The following PCDHA12 variants were observed in gnomAD, a reference collection of about 807,000 sequenced individuals.
PCDHA12 encodes the protein protocadherin alpha 12.
Under a neutral mutation model 60.0 loss-of-function variants are expected in PCDHA12, and 44 were observed. The observed-to-expected ratio is 0.73, with a 90% confidence interval of 0.58 to 0.94. The LOEUF (loss-of-function observed/expected upper bound fraction) is 0.94, where lower values mean the gene tolerates loss of function less well. Among genes scored for constraint, PCDHA12 ranks in the 40% least tolerant of loss-of-function variants. The pLI is 0.00. For synonymous variants in PCDHA12, 569 were observed against 553.0 expected (o/e 1.03, Z -0.40); for missense variants, 1,276 against 1,239.7 (o/e 1.03, Z -0.44).
intron 1 of PCDHA12, among the ~76,000 whole-genome samples, chr5:140,922,082 G>A (rs2080612980): frequency 6.6e-6 from 1 of 151,908 alleles, no homozygotes. Context: ...AGCAAAAAGT[G>A]GTATTTCTAC....
chr5:140,929,532 G>T, intron 1 of PCDHA12: 1 of 602,214 alleles, frequency 1.7e-6, no homozygotes, highest in Non-Finnish European at 2.5e-6. Flanking sequence ...TTATTTTTGA[G>T]AAACAAGGGC....
intron 1 of PCDHA12, among the ~76,000 whole-genome samples, chr5:140,896,969 CACAA>C (rs1554187153): frequency 2.0e-5 from 3 of 152,106 alleles, no homozygotes; most frequent in African/African-American, 7.2e-5. Context: ...TTATTCTTTG[CACAA>C]ACAAACCAGT....
chr5:140,921,888 A>G (rs1430604991), intron 1 of PCDHA12, among the ~76,000 whole-genome samples: 8 of 152,090 alleles, frequency 5.3e-5, no homozygotes, highest in African/African-American at 1.9e-4. Context: ...AGATTTTAGA[A>G]AGGAGGATAA....
At chr5:140,928,676 G>A in intron 1 of PCDHA12, 2 of 1,614,166 alleles carry the variant, frequency 1.2e-6, no homozygotes, top group East Asian at 2.2e-5. Context: ...TCTAATGCCT[G>A]GCTTTCCTAC....
At chr5:140,882,108 A>T in intron 1 of PCDHA12, 4 of 1,370,912 alleles carry the variant, frequency 2.9e-6, no homozygotes, top group Non-Finnish European at 3.9e-6. Context: ...TCCGCGAAGA[A>T]AGCCGCCGTT....
At chr5:140,930,527 A>G (rs73793525) in intron 1 of PCDHA12, 1 of 152,462 alleles carries the variant, frequency 6.6e-6, no homozygotes, top group Non-Finnish European at 1.5e-5. Context: ...CTGGCCCTCA[A>G]ACTTCTTGAG....
At position 140,876,174 on chromosome 5, in the gene PCDHA12, T is replaced by A; in HGVS notation, c.702T>A (p.Asp234Glu). Residue 234 changes from aspartate to glutamate, a missense_variant, in exon 1 of 4, where the codon GAT becomes GAA. By Grantham distance (45) the Asp-to-Glu change is conservative. Coordinates refer to ENST00000398631, the MANE Select transcript of PCDHA12 (RefSeq NM_018903.4). ...TCCAGATTCAAATAACCGTCCTGGA[T>A]GTGAATGACAATGGTCCGGCGTTTG... ...GSVQIQITVL[D>E]VNDNGPAFDK... 6.2e-7 allele frequency: 1 copy of A among 1,613,934 alleles called. No individual in the cohort carries two copies. The highest frequency in any genetic ancestry group is 8.5e-7 in the Non-Finnish European group (1 of 1,179,890).
At position 140,966,347 on chromosome 5, in the gene PCDHA12, G is replaced by A. The variant is rs189506336; in HGVS notation, c.2368-12602G>A. 6.3e-5 allele frequency: 25 copies of A among 397,502 alleles called. No homozygotes were observed. The East Asian group carries it at 8.6e-4, about 14-fold the overall frequency. The allele number at this position is 397,502 out of a possible 1,614,324, so 24.6% of individuals were successfully genotyped here. A position where few individuals can be genotyped will look rare whatever the true frequency, so the allele number is the denominator to read the frequency against. On this transcript the variant is annotated intron_variant, in intron 1 of 3. Transcript: ENST00000398631. ...GGGATCCGGCAGGTCCAGGGTGAAG[G>A]AGATGGGGCTGGAGAGGCTGAGCAG... is the stretch of plus-strand genomic sequence containing the variant.
At position 141,011,042 on chromosome 5, in the gene PCDHA12, T is replaced by G. The variant is rs915588789; in HGVS notation, c.*1105T>G. 6.5e-6 allele frequency: 1 copy of G among 153,796 alleles called. No individual in the cohort carries two copies. The highest frequency in any genetic ancestry group is 2.4e-5 in the African/African-American group (1 of 41,464). The allele number at this position is 153,796 out of a possible 1,614,324, so 9.5% of individuals were successfully genotyped here. A position where few individuals can be genotyped will look rare whatever the true frequency, so the allele number is the denominator to read the frequency against. On this transcript the variant is annotated 3_prime_UTR_variant, in exon 4 of 4. Transcript: ENST00000398631. ...TCACAGCTTTACTCTTTCAGGTCACTCTGGGGCTGCCTCTTGCATGTATTA... is the reference window on the plus strand; with the variant it reads ...TCACAGCTTTACTCTTTCAGGTCACGCTGGGGCTGCCTCTTGCATGTATTA...
chr5:140,886,122 C>T (rs1394228638), intron 1 of PCDHA12, among the ~76,000 whole-genome samples: 1 of 152,116 alleles, frequency 6.6e-6, no homozygotes, highest in Non-Finnish European at 1.5e-5. Context: ...AACATAGTTC[C>T]GTAACAACCA....
At chr5:140,882,718 T>A (rs782288800) in intron 1 of PCDHA12, 9 of 1,614,054 alleles carry the variant, frequency 5.6e-6, no homozygotes, top group Middle Eastern at 1.6e-4. Flanking sequence ...CTCCGGAAAC[T>A]CGATTTCCAC....
At chr5:140,883,390 G>T (rs373348994) in intron 1 of PCDHA12, 4 of 1,614,050 alleles carry the variant, frequency 2.5e-6, no homozygotes, top group East Asian at 4.5e-5. Context: ...TAATCAGTGT[G>T]TCCGATCGTG....
At chr5:140,941,987 G>A (rs1315027422) in intron 1 of PCDHA12, among the ~76,000 whole-genome samples, 1 of 152,104 alleles carries the variant, frequency 6.6e-6, no homozygotes, top group Non-Finnish European at 1.5e-5. Flanking sequence ...ACCTTGATAA[G>A]GGATTCATAT....
At chr5:140,922,369 G>A (rs534587109) in intron 1 of PCDHA12, among the ~76,000 whole-genome samples, 1 of 152,320 alleles carries the variant, frequency 6.6e-6, no homozygotes, top group East Asian at 1.9e-4. Context: ...TTCTCACTGA[G>A]ATGCAAAACC....
chr5:140,897,923 G>A (rs371929339), intron 1 of PCDHA12, among the ~76,000 whole-genome samples: 11 of 152,078 alleles, frequency 7.2e-5, no homozygotes, highest in East Asian at 5.8e-4. Flanking sequence ...TTTGATTTGC[G>A]TTTCTCTGAT....
chr5:140,926,414 A>C, intron 1 of PCDHA12: 1 of 152,834 alleles, frequency 6.5e-6, no homozygotes, highest in Non-Finnish European at 1.5e-5. Context: ...ATCTGCGGGC[A>C]GAGGATGTGG....
chr5:140,953,528 C>T (rs2094898852), intron 1 of PCDHA12, among the ~76,000 whole-genome samples: 1 of 152,112 alleles, frequency 6.6e-6, no homozygotes, highest in Non-Finnish European at 1.5e-5. Context: ...AAACGGGAAA[C>T]TCACTTCATG....
intron 3 of PCDHA12, among the ~76,000 whole-genome samples, chr5:141,004,011 CT>C (rs1220756747): frequency 2.6e-4 from 40 of 152,200 alleles, no homozygotes; most frequent in African/African-American, 9.4e-4. Context: ...GGAGGCAGCA[CT>C]GAAAGAAGAA....
intron 1 of PCDHA12, among the ~76,000 whole-genome samples, chr5:140,900,465 C>T (rs936722061): frequency 1.3e-5 from 2 of 152,156 alleles, no homozygotes; most frequent in Admixed American, 1.3e-4. Context: ...TTAGTAGACA[C>T]GGAGTTTCTC....
Sources: allele counts gnomAD v4.1 joint callset (sites outside exome capture counted in the v4.1 genomes callset), GRCh38; gene constraint gnomAD v4.1.1; transcripts MANE v1.5; gene names NCBI Gene and HGNC (gene_info 2026-07-23, HGNC 2026-07-21).